The following NBEA variants were observed in gnomAD, a reference collection of about 807,000 sequenced individuals.
NBEA encodes the protein neurobeachin.
NBEA carries 44 observed loss-of-function variants against 343.4 expected under a neutral mutation model. That is an observed-to-expected ratio of 0.13 (90% CI 0.10 to 0.16). The LOEUF is 0.16. Ranked by LOEUF, NBEA falls within the 10% of genes least tolerant of loss-of-function variation. The pLI, the probability that NBEA is intolerant of heterozygous loss-of-function variation, is 1.00. For synonymous variants in NBEA, 1,175 were observed against 1,238.7 expected, an observed-to-expected ratio of 0.95 and a Z score of 1.08; for missense variants, 2,555 against 3,631.3, an observed-to-expected ratio of 0.70 and a Z score of 7.62.
At chr13:35,394,657 A>T (rs2042659237) in intron 38 of NBEA, among the ~76,000 whole-genome samples, 1 of 152,060 alleles carries the variant, frequency 6.6e-6, no homozygotes, top group Admixed American at 6.6e-5. Flanking sequence ...ACAAACACAG[A>T]ACATGAACTC....
chr13:35,353,608 A>C (rs1444117760), intron 38 of NBEA, among the ~76,000 whole-genome samples: 1 of 152,146 alleles, frequency 6.6e-6, no homozygotes, highest in Non-Finnish European at 1.5e-5. Flanking sequence ...TATTTATCAT[A>C]ATAATAGCAA....
At chr13:35,554,769 A>T (rs1294506982) in intron 43 of NBEA, among the ~76,000 whole-genome samples, 1 of 152,172 alleles carries the variant, frequency 6.6e-6, no homozygotes, top group African/African-American at 2.4e-5. Context: ...GTTGCTTTCA[A>T]ATTGTTTTAT....
At chr13:35,015,112 A>C (rs2061605940) in intron 1 of NBEA, among the ~76,000 whole-genome samples, 1 of 145,948 alleles carries the variant, frequency 6.9e-6, no homozygotes, top group African/African-American at 2.6e-5. Flanking sequence ...TTCTCAACAA[A>C]AAGCAACGAG....
rs1329673830 is a variant in NBEA, at chr13:35,040,938, T to C, written c.300T>C (p.Val100=). 6.2e-7 allele frequency: 1 copy of C among 1,612,340 alleles called. No homozygotes were observed. The highest frequency in any genetic ancestry group is 1.3e-5 in the African/African-American group (1 of 74,860). ...TTCTTTCTGTTTACTTTCAGCTGGT[T>C]GGTGGAGAATTTGACTTGGAGATGA... ...DIVETVLNLL[V]GGEFDLEMNF... Residue 100 remains valine (V), a synonymous_variant, in exon 2 of 59, where the codon GTT becomes GTC. Coordinates refer to ENST00000379939, the MANE Select transcript of NBEA (RefSeq NM_001385012.1).
intron 1 of NBEA, among the ~76,000 whole-genome samples, chr13:34,947,850 T>C (rs73488137): frequency 0.015 from 2,344 of 152,308 alleles, 65 homozygotes; most frequent in African/African-American, 0.054. Context: ...ATATAAACTT[T>C]ATGTATTTCT....
At chr13:35,156,999 T>G in intron 20 of NBEA, 79 bp from the exon 21 acceptor site, 1 of 1,217,770 alleles carries the variant, frequency 8.2e-7, no homozygotes, top group Non-Finnish European at 1.1e-6. Context: ...TTTCACTATT[T>G]TATTTATCAA....
At chr13:35,102,674 A>AT (rs2065703771) in intron 11 of NBEA, among the ~76,000 whole-genome samples, 2 of 151,846 alleles carry the variant, frequency 1.3e-5, no homozygotes, top group Admixed American at 1.3e-4. Context: ...CCAAGAAGCA[A>AT]TTAAAAGTTT....
intron 32 of NBEA, among the ~76,000 whole-genome samples, chr13:35,210,041 G>A (rs902427227): frequency 8.5e-5 from 13 of 152,050 alleles, no homozygotes; most frequent in Middle Eastern, 6.8e-3. Context: ...AAGTATATAC[G>A]TTAAAAGTGT....
chr13:35,496,749 A>G (rs1240293000), intron 41 of NBEA, among the ~76,000 whole-genome samples: 1 of 151,964 alleles, frequency 6.6e-6, no homozygotes, highest in East Asian at 1.9e-4. Context: ...TCTTTTCTCA[A>G]AAAGTCAAGG....
chr13:35,660,011 T>C (rs1388153937), intron 55 of NBEA, among the ~76,000 whole-genome samples: 3 of 152,208 alleles, frequency 2.0e-5, no homozygotes, highest in African/African-American at 7.2e-5. Context: ...GGTAGGTATC[T>C]TGGACTTGGC....
intron 1 of NBEA, among the ~76,000 whole-genome samples, chr13:34,957,995 C>T (rs908125630): frequency 1.9e-4 from 29 of 151,952 alleles, no homozygotes; most frequent in Non-Finnish European, 3.2e-4. Context: ...ATTGAGTGTT[C>T]TTTAAGTGTA....
intron 31 of NBEA, among the ~76,000 whole-genome samples, chr13:35,201,149 G>A (rs551125218): frequency 6.6e-6 from 1 of 151,964 alleles, no homozygotes; most frequent in East Asian, 1.9e-4. Flanking sequence ...TTATTATGCT[G>A]CAAGTGCCCT....
At chr13:35,219,215 C>T (rs1486725026) in intron 33 of NBEA, among the ~76,000 whole-genome samples, 2 of 152,056 alleles carry the variant, frequency 1.3e-5, no homozygotes, top group Admixed American at 6.6e-5. Context: ...CCTTCCTTGC[C>T]TTCCTTGCCT....
At chr13:35,326,905 G>A (rs768011143) in intron 36 of NBEA, among the ~76,000 whole-genome samples, 17 of 151,818 alleles carry the variant, frequency 1.1e-4, no homozygotes, top group South Asian at 2.1e-4. Context: ...ACTAATATCC[G>A]GAATCTATAA....
At chr13:35,643,939 C>T (rs1271992713) in intron 49 of NBEA, among the ~76,000 whole-genome samples, 1 of 152,184 alleles carries the variant, frequency 6.6e-6, no homozygotes, top group Non-Finnish European at 1.5e-5. Flanking sequence ...GAAAATCTTA[C>T]ATGGGGAGCA....
chr13:35,031,605 CAAT>C (rs1449159634), intron 1 of NBEA, among the ~76,000 whole-genome samples: 1 of 151,350 alleles, frequency 6.6e-6, no homozygotes, highest in African/African-American at 2.4e-5. Context: ...GTACTTAACT[CAAT>C]TATCTCATTT....
At chr13:35,209,301 G>A (rs2073608132) in intron 32 of NBEA, among the ~76,000 whole-genome samples, 1 of 152,138 alleles carries the variant, frequency 6.6e-6, no homozygotes, top group Non-Finnish European at 1.5e-5. Flanking sequence ...GGGAGGCAGA[G>A]CTCCCCTAAG....
chr13:35,377,558 GCTAT>G (rs929036790), intron 38 of NBEA, among the ~76,000 whole-genome samples: 1 of 152,156 alleles, frequency 6.6e-6, no homozygotes, highest in Admixed American at 6.5e-5. Flanking sequence ...GCAGCAAGGT[GCTAT>G]CTCTTATTCC....
At position 35,142,345 on chromosome 13, in the gene NBEA, G is replaced by A. The variant is rs1365156938; in HGVS notation, c.2413G>A (p.Val805Met). ...GERLMLHTNT[V>M]TVTTYNTLYE... ...AAGGCTGATGTTGCATACAAACACTGTGACTGTCACCACATACAACACACT... is the reference window on the plus strand; with the variant it reads ...AAGGCTGATGTTGCATACAAACACTATGACTGTCACCACATACAACACACT... The change falls in exon 18 of 59, where the codon GTG (valine) becomes ATG (methionine). Residue 805 changes from valine to methionine, a missense_variant. Transcript: ENST00000379939. 6.2e-7 allele frequency: 1 copy of A among 1,612,922 alleles called. No homozygotes were observed. Among genetic ancestry groups the A allele is most frequent in the African/African-American group, 1.3e-5 (1 of 74,998 alleles).
Sources: gnomAD v4.1 joint callset for allele counts (sites outside exome capture counted in the v4.1 genomes callset) on GRCh38, gnomAD v4.1.1 for gene constraint, MANE v1.5 for transcripts, NCBI Gene and HGNC (gene_info 2026-07-23, HGNC 2026-07-21) for gene names.